Variants in MAN2A1 observed in about 807,000 individuals in gnomAD.
MAN2A1 encodes the protein alpha-mannosidase 2.
Under a neutral mutation model 142.6 loss-of-function variants are expected in MAN2A1, and 76 were observed. That is an observed-to-expected ratio of 0.53 (90% CI 0.44 to 0.65). The LOEUF (loss-of-function observed/expected upper bound fraction) is 0.65. Among genes scored for constraint, MAN2A1 ranks in the 30% least tolerant of loss-of-function variants. The pLI is 0.00. For missense variants in MAN2A1, 1,311 were observed against 1,365.1 expected (o/e 0.96, Z 0.62); for synonymous variants, 559 against 473.2 (o/e 1.18, Z -2.35).
chr5:109,765,798 A>G (rs984282330), intron 5 of MAN2A1, among the ~76,000 whole-genome samples: 3 of 152,126 alleles, frequency 2.0e-5, no homozygotes, highest in Non-Finnish European at 4.4e-5. Flanking sequence ...CAGTTGTCCC[A>G]GATTTGGCCA....
chr5:109,767,490 C>T (rs1010556710), intron 5 of MAN2A1, 45 bp from the exon 6 acceptor site: 2 of 1,511,484 alleles, frequency 1.3e-6, no homozygotes, highest in Non-Finnish European at 1.8e-6. Flanking sequence ...CTTTTTATTT[C>T]ATATATCAAT....
chr5:109,789,422 G>C (rs779004283), intron 11 of MAN2A1, 38 bp from the exon 12 acceptor site: 1 of 1,238,774 alleles, frequency 8.1e-7, no homozygotes, highest in South Asian at 1.3e-5. Context: ...TCCATGGAGT[G>C]TTAAGTAAAA....
rs1187176793 is a variant in MAN2A1, at chr5:109,834,443, A to AT, written c.2567-7885_2567-7884insT. 9.8e-4 allele frequency among the ~76,000 whole-genome samples: 146 copies of AT among 148,940 alleles called. 1 individual carries two copies. Among genetic ancestry groups the AT allele is most frequent in the Non-Finnish European group, 7.4e-5 (5 of 67,154 alleles). On this transcript the variant is annotated intron_variant, in intron 16 of 21. Coordinates refer to ENST00000261483, the MANE Select transcript of MAN2A1 (RefSeq NM_002372.4). The stretch of plus-strand genomic sequence containing the variant: ...ATAACATTAGTACTTTAAAAAAAAA[A>AT]CCAAAAAGCCTTTCAGTTTTGTTTT...
chr5:109,759,956 TATATATATAGATAG>T (rs60617446), intron 5 of MAN2A1, among the ~76,000 whole-genome samples: 47,506 of 122,142 alleles, frequency 0.39, 7,566 homozygotes, highest in East Asian at 0.53. Flanking sequence ...GCTATATATA[TATATATATAGATAG>T]ATAGATAGAT....
chr5:109,841,209 T>G (rs1294381781), intron 16 of MAN2A1, among the ~76,000 whole-genome samples: 1 of 152,190 alleles, frequency 6.6e-6, no homozygotes, highest in Non-Finnish European at 1.5e-5. Context: ...AGTAAGTTCT[T>G]TAGAGGTGAT....
chr5:109,819,552 A>G, intron 13 of MAN2A1, 117 bp from the exon 14 acceptor site: 1 of 569,602 alleles, frequency 1.8e-6, no homozygotes, highest in Non-Finnish European at 3.0e-6. Flanking sequence ...TGGAGGGCCA[A>G]CTGGATTCTC....
At chr5:109,781,685 TCATGTAGTACATTATGTAGTGTTAA>T in intron 9 of MAN2A1, 87 bp downstream of exon 9, 1 of 845,116 alleles carries the variant, frequency 1.2e-6, no homozygotes, top group Non-Finnish European at 1.8e-6. Context: ...TATACATCAT[TCATGTAGTACATTATGTAGTGTTAA>T]GCTCTAATTA....
intron 14 of MAN2A1, 45 bp from the exon 15 acceptor site, chr5:109,820,175 C>T: frequency 6.6e-7 from 1 of 1,514,908 alleles, no homozygotes; most frequent in East Asian, 2.3e-5. Context: ...ACATGCTTAA[C>T]ATCTTAGTGG....
intron 12 of MAN2A1, among the ~76,000 whole-genome samples, chr5:109,795,376 A>T (rs1483773287): frequency 6.6e-6 from 1 of 152,204 alleles, no homozygotes; most frequent in African/African-American, 2.4e-5. Context: ...GACTGAAATT[A>T]AATAACATCT....
chr5:109,798,455 A>G (rs1327619896), intron 12 of MAN2A1, among the ~76,000 whole-genome samples: 1 of 152,124 alleles, frequency 6.6e-6, no homozygotes, highest in Non-Finnish European at 1.5e-5. Flanking sequence ...CCGTGTTTAA[A>G]ACGGAACTCC....
Position 109,840,855 on chromosome 5 carries a change from C to T in MAN2A1, c.2567-1473C>T, listed in dbSNP as rs548358771. Among the ~76,000 whole-genome samples, 30 of 151,904 alleles carry T rather than the reference C, an allele frequency of 2.0e-4. 1 individual carries two copies. The South Asian group carries it at 5.6e-3, about 28-fold the overall frequency. ...GTTCAGTAGGATCACGGGTGCCAGC[C>T]CCGACAATCATGGGGCCTGCATTTA... On this transcript the variant is annotated intron_variant, in intron 16 of 21. Transcript: ENST00000261483.
In MAN2A1 at chr5:109,869,386, GATTAAAATA is replaced by G; in HGVS notation, c.*2390_*2398del. ...AGCATCCTTGTTTTCTACAAATACT[GATTAAAATA>G]AAATGCTGTAAAATGTGATGTAAAA... On this transcript the variant is annotated 3_prime_UTR_variant, in exon 22 of 22. Transcript: ENST00000261483. The G allele has an allele frequency of 6.6e-6, 1 of 152,244 alleles. No individual in the cohort carries two copies. Among genetic ancestry groups the G allele is most frequent in the Middle Eastern group, 3.4e-3 (1 of 294 alleles). 9.4% of individuals were successfully genotyped at this position (152,244 alleles called of 1,614,324 possible).
At chr5:109,777,873 G>A (rs751488472) in intron 8 of MAN2A1, among the ~76,000 whole-genome samples, 2 of 152,080 alleles carry the variant, frequency 1.3e-5, no homozygotes, top group Non-Finnish European at 2.9e-5. Flanking sequence ...CTGCATTTGT[G>A]TGTGGGTCTG....
Position 109,690,373 on chromosome 5 carries a change from CCTT to C in MAN2A1, c.-44_-42del. 6.2e-7 allele frequency: 1 copy of C among 1,612,294 alleles called. No individual in the cohort carries two copies. Among genetic ancestry groups the C allele is most frequent in the South Asian group, 1.1e-5 (1 of 91,034 alleles). On this transcript the variant is annotated 5_prime_UTR_variant, in exon 1 of 22. Coordinates refer to ENST00000261483, the MANE Select transcript of MAN2A1 (RefSeq NM_002372.4). ...TCCTAGAGTCCACAGTGCGCTGTCT[CCTT>C]TGGCTGAGGAGAGTGTCCTGGCCCC...
intron 17 of MAN2A1, among the ~76,000 whole-genome samples, chr5:109,843,531 T>C (rs560536640): frequency 6.6e-6 from 1 of 152,330 alleles, no homozygotes; most frequent in East Asian, 1.9e-4. Flanking sequence ...ATTGGTTTAA[T>C]GTATGATCTA....
chr5:109,767,456 A>G (rs992377047), intron 5 of MAN2A1, 79 bp from the exon 6 acceptor site: 28 of 1,158,388 alleles, frequency 2.4e-5, no homozygotes, highest in African/African-American at 1.4e-4. Context: ...TACAATGACA[A>G]TGAGTCTGAA....
intron 12 of MAN2A1, among the ~76,000 whole-genome samples, chr5:109,801,947 TAAAC>T: frequency 6.6e-6 from 1 of 152,198 alleles, no homozygotes; most frequent in Admixed American, 6.5e-5. Flanking sequence ...TATTTATTCT[TAAAC>T]ATTTCCTGTT....
Position 109,819,729 on chromosome 5 carries a change from G to A in MAN2A1, c.2170G>A (p.Ala724Thr). 1 of 1,612,254 alleles carries A rather than the reference G, an allele frequency of 6.2e-7. No homozygotes were observed. The highest frequency in any genetic ancestry group is 8.5e-7 in the Non-Finnish European group (1 of 1,179,206). ...GLKVYKILESASSNSHLADYV... is the reference protein window; with the variant it reads ...GLKVYKILESTSSNSHLADYV... ...GAAAGTGTATAAGATTTTGGAATCA[G>A]CAAGTTCAAATTCACATTTAGCTGA... Residue 724 changes from alanine (A) to threonine (T), a missense_variant, in exon 14 of 22, where the codon GCA (alanine) becomes ACA (threonine). Physicochemically the swap from Ala to Thr is moderately conservative, Grantham distance 58. This residue lies in a region of MAN2A1 where 890 missense variants were observed against 920.5 expected (regional missense o/e 0.97). Coordinates refer to ENST00000261483, the MANE Select transcript of MAN2A1 (RefSeq NM_002372.4).
chr5:109,788,850 G>C (rs1753665229), intron 10 of MAN2A1, 84 bp from the exon 11 acceptor site: 3 of 660,842 alleles, frequency 4.5e-6, no homozygotes, highest in Non-Finnish European at 8.2e-6. Context: ...GATACTGGTG[G>C]TTTGGCTATT....
Sources: gnomAD v4.1 joint callset for allele counts (sites outside exome capture counted in the v4.1 genomes callset) on GRCh38, gnomAD v4.1.1 for gene constraint, gnomAD v4.1.1 regional missense constraint, MANE v1.5 for transcripts, NCBI Gene and HGNC (gene_info 2026-07-23, HGNC 2026-07-21) for gene names.